STAMBPL1: variants seen among roughly 807,000 people sequenced by gnomAD.
STAMBPL1 encodes the protein AMSH-like protease.
A neutral mutation model predicts 52.9 loss-of-function variants in STAMBPL1; 44 were observed. The observed-to-expected ratio is 0.83, with a 90% confidence interval of 0.65 to 1.07. The LOEUF is 1.07. Among genes scored for constraint, STAMBPL1 ranks in the 50% least tolerant of loss-of-function variants. STAMBPL1 has a pLI of 0.00. For synonymous variants in STAMBPL1, 164 were observed against 177.3 expected (o/e 0.92, Z 0.60); for missense variants, 511 against 520.8 (o/e 0.98, Z 0.18).
At chr10:88,890,341 G>A (rs565816964) in intron 1 of STAMBPL1, among the ~76,000 whole-genome samples, 3 of 152,180 alleles carry the variant, frequency 2.0e-5, no homozygotes, top group East Asian at 3.8e-4. Flanking sequence ...ATCACTACAG[G>A]TAGATTCTTC....
chr10:88,896,603 C>G (rs1844816440), intron 1 of STAMBPL1, among the ~76,000 whole-genome samples: 1 of 152,168 alleles, frequency 6.6e-6, no homozygotes, highest in South Asian at 2.1e-4. Flanking sequence ...GCTCTGTCCT[C>G]TCTTAACTGC....
chr10:88,902,739 T>C (rs566275507), intron 2 of STAMBPL1, among the ~76,000 whole-genome samples: 2 of 151,966 alleles, frequency 1.3e-5, no homozygotes, highest in African/African-American at 4.8e-5. Flanking sequence ...CCCAGCTAAT[T>C]TTTTGTATTT....
intron 1 of STAMBPL1, among the ~76,000 whole-genome samples, chr10:88,899,978 T>C (rs1373027586): frequency 1.3e-5 from 2 of 152,222 alleles, no homozygotes; most frequent in African/African-American, 2.4e-5. Context: ...ATTCCTCAGT[T>C]GGGATTGCCT....
chr10:88,916,626 TA>T (rs938037600), intron 7 of STAMBPL1, 53 bp from the exon 8 acceptor site: 4 of 1,522,638 alleles, frequency 2.6e-6, no homozygotes, highest in African/African-American at 1.4e-5. Flanking sequence ...CCTGTTCAGT[TA>T]TTTTTTTTTT....
intron 10 of STAMBPL1, 94 bp downstream of exon 10, chr10:88,922,530 TA>T (rs1420065616): frequency 3.6e-6 from 4 of 1,122,178 alleles, no homozygotes; most frequent in Admixed American, 2.1e-5. Flanking sequence ...TAATATAAGA[TA>T]AAATACTGTA....
chr10:88,894,425 G>C lies in STAMBPL1; in HGVS notation c.-53-7231G>C, dbSNP rs192087605. Among the ~76,000 whole-genome samples, 19 of 152,050 alleles carry C rather than the reference G, an allele frequency of 1.2e-4. No individual in the cohort carries two copies. The South Asian group carries it at 1.9e-3, about 15-fold the overall frequency. ...GGCGACATAGTACCTTGCCTGCCCA[G>C]AATTCAGCTCACTCTTACCTAGAAG... On this transcript the variant is annotated intron_variant, in intron 1 of 10. Coordinates refer to ENST00000371926, the MANE Select transcript of STAMBPL1 (RefSeq NM_020799.4).
chr10:88,922,179 C>A (rs193277669), intron 9 of STAMBPL1, among the ~76,000 whole-genome samples, 158 bp from the exon 10 acceptor site: 1 of 152,002 alleles, frequency 6.6e-6, no homozygotes, highest in Admixed American at 6.6e-5. Context: ...CTCCTCTGGA[C>A]CAGTCATTGG....
intron 4 of STAMBPL1, among the ~76,000 whole-genome samples, chr10:88,910,140 A>G (rs1364042576): frequency 1.3e-5 from 2 of 152,202 alleles, no homozygotes; most frequent in Non-Finnish European, 2.9e-5. Flanking sequence ...TTGAATAGAT[A>G]TATGAATAAA....
intron 1 of STAMBPL1, 71 bp from the exon 2 acceptor site, chr10:88,901,585 C>A: frequency 2.3e-6 from 2 of 869,530 alleles, no homozygotes; most frequent in Non-Finnish European, 3.6e-6. Flanking sequence ...GCAGAGATAA[C>A]CCTGGGGTTT....
At chr10:88,905,818 T>C (rs538626319) in intron 3 of STAMBPL1, among the ~76,000 whole-genome samples, 158 bp downstream of exon 3, 2 of 152,218 alleles carry the variant, frequency 1.3e-5, no homozygotes, top group Non-Finnish European at 2.9e-5. Flanking sequence ...TACCAACTAA[T>C]GTACTCACAG....
chr10:88,901,014 C>A (rs985156638), intron 1 of STAMBPL1: 1 of 152,314 alleles, frequency 6.6e-6, no homozygotes, highest in East Asian at 1.9e-4. Context: ...CCAGACCACT[C>A]AGGATAATTT....
intron 1 of STAMBPL1, among the ~76,000 whole-genome samples, chr10:88,888,566 T>C (rs562116472): frequency 4.1e-4 from 63 of 152,318 alleles, no homozygotes; most frequent in African/African-American, 1.5e-3. Flanking sequence ...AATTGCTTTT[T>C]CCTACTATTG....
chr10:88,905,795 C>T, intron 3 of STAMBPL1, 135 bp downstream of exon 3: 1 of 713,528 alleles, frequency 1.4e-6, no homozygotes, highest in Non-Finnish European at 2.3e-6. Flanking sequence ...ATTAAATGTT[C>T]AAGTTTTTAA....
chr10:88,881,086 G>T (rs1300731827), intron 1 of STAMBPL1, among the ~76,000 whole-genome samples: 1 of 152,108 alleles, frequency 6.6e-6, no homozygotes, highest in Non-Finnish European at 1.5e-5. Context: ...TAGAAAAACG[G>T]ACCTTTACCC....
At chr10:88,890,603 T>C (rs1844654742) in intron 1 of STAMBPL1, among the ~76,000 whole-genome samples, 1 of 152,188 alleles carries the variant, frequency 6.6e-6, no homozygotes. Flanking sequence ...TTGCCAGATA[T>C]TTGTGTAAGT....
intron 5 of STAMBPL1, among the ~76,000 whole-genome samples, chr10:88,911,826 C>G (rs980026108): frequency 1.3e-5 from 2 of 152,084 alleles, no homozygotes; most frequent in Non-Finnish European, 2.9e-5. Flanking sequence ...AAATGTCCCT[C>G]AAGTGTGTAT....
At position 88,880,441 on chromosome 10, in the gene STAMBPL1, G is replaced by A. The variant is rs543847046; in HGVS notation, c.-251G>A. ...GCTCCATCTGTCGGCAGAGGAGAAG[G>A]GGGAGGAGGCACGGCCGAGGCAAAC... On this transcript the variant is annotated 5_prime_UTR_variant, in exon 1 of 11. Coordinates refer to ENST00000371926, the MANE Select transcript of STAMBPL1 (RefSeq NM_020799.4). The A allele has an allele frequency of 6.6e-6, 1 of 152,258 alleles. No homozygotes were observed. The highest frequency in any genetic ancestry group is 2.4e-5 in the African/African-American group (1 of 41,470). The allele number at this position is 152,258 out of a possible 1,614,324, so 9.4% of individuals were successfully genotyped here.
intron 1 of STAMBPL1, among the ~76,000 whole-genome samples, chr10:88,893,113 A>G (rs919355864): frequency 1.3e-5 from 2 of 152,216 alleles, no homozygotes; most frequent in Non-Finnish European, 2.9e-5. Context: ...TAGTATTTTA[A>G]CAGGAGGAGA....
intron 1 of STAMBPL1, among the ~76,000 whole-genome samples, chr10:88,884,377 T>G (rs1483505239): frequency 6.6e-6 from 1 of 152,108 alleles, no homozygotes; most frequent in Non-Finnish European, 1.5e-5. Flanking sequence ...GAATTTTGAT[T>G]TGAGGTGGTA....
Sources: gnomAD v4.1 joint callset for allele counts (sites outside exome capture counted in the v4.1 genomes callset) on GRCh38, gnomAD v4.1.1 for gene constraint, MANE v1.5 for transcripts, NCBI Gene and HGNC (gene_info 2026-07-23, HGNC 2026-07-21) for gene names.